The following GALNTL6 variants were observed in gnomAD, a reference collection of about 807,000 sequenced individuals.
GALNTL6 encodes polypeptide N-acetylgalactosaminyltransferase-like 6.
In GALNTL6, 46 loss-of-function variants were observed where a neutral mutation model predicts 73.7. The ratio of observed to expected loss-of-function variants is 0.62; its 90% CI spans 0.49 to 0.80. The LOEUF is 0.80. Among genes scored for constraint, GALNTL6 ranks in the 30% least tolerant of loss-of-function variants. GALNTL6 has a pLI of 0.00. For missense variants in GALNTL6, 604 were observed against 755.0 expected, an observed-to-expected ratio of 0.80 and a Z score of 2.34; for synonymous variants, 259 against 263.7, an observed-to-expected ratio of 0.98 and a Z score of 0.17.
chr4:171,835,180 CTATTTT>C (rs1322103646), intron 2 of GALNTL6, among the ~76,000 whole-genome samples: 5 of 151,926 alleles, frequency 3.3e-5, no homozygotes, highest in Admixed American at 2.6e-4. Flanking sequence ...CTATGGCTTT[CTATTTT>C]TATTTCTGCA....
At chr4:172,756,418 C>T (rs1737753367) in intron 5 of GALNTL6, among the ~76,000 whole-genome samples, 3 of 147,146 alleles carry the variant, frequency 2.0e-5, no homozygotes, top group South Asian at 2.2e-4. Flanking sequence ...CTGAGGCGGG[C>T]AGATCATTTG....
chr4:172,958,539 T>C (rs1285521984), intron 10 of GALNTL6, among the ~76,000 whole-genome samples: 1 of 152,186 alleles, frequency 6.6e-6, no homozygotes, highest in African/African-American at 2.4e-5. Flanking sequence ...ACCAGGTATC[T>C]AAAGTCGAAA....
chr4:171,905,571 T>A (rs1430181434), intron 2 of GALNTL6, among the ~76,000 whole-genome samples: 1 of 150,066 alleles, frequency 6.7e-6, no homozygotes, highest in Non-Finnish European at 1.5e-5. Flanking sequence ...ACTGTCAACG[T>A]TAGACAGATC....
At chr4:173,030,116 C>A (rs1324184235) in intron 12 of GALNTL6, among the ~76,000 whole-genome samples, 5 of 151,396 alleles carry the variant, frequency 3.3e-5, no homozygotes. Flanking sequence ...TGCCCAATGT[C>A]TGCAACATAC....
chr4:172,805,803 T>A (rs1216240235), intron 5 of GALNTL6, among the ~76,000 whole-genome samples: 1 of 152,104 alleles, frequency 6.6e-6, no homozygotes, highest in Non-Finnish European at 1.5e-5. Context: ...TAAAATATGG[T>A]CTTTTGTCTG....
intron 2 of GALNTL6, among the ~76,000 whole-genome samples, chr4:172,013,893 A>G (rs180912259): frequency 7.6e-6 from 1 of 130,972 alleles, no homozygotes; most frequent in East Asian, 2.7e-4. Flanking sequence ...AGACTCTGAT[A>G]CCATCCTTCT....
intron 5 of GALNTL6, among the ~76,000 whole-genome samples, chr4:172,603,067 G>A (rs1738128504): frequency 6.6e-6 from 1 of 152,142 alleles, no homozygotes; most frequent in Non-Finnish European, 1.5e-5. Flanking sequence ...TCAAGTGTCA[G>A]GAATGTTGAA....
chr4:172,482,988 A>G (rs1164702799), intron 5 of GALNTL6, among the ~76,000 whole-genome samples: 1 of 137,674 alleles, frequency 7.3e-6, no homozygotes, highest in Non-Finnish European at 1.6e-5. Flanking sequence ...ACAATTTCGT[A>G]GGATTAAATG....
intron 2 of GALNTL6, among the ~76,000 whole-genome samples, chr4:171,908,792 C>T (rs1171128638): frequency 6.6e-6 from 1 of 151,044 alleles, no homozygotes; most frequent in African/African-American, 2.5e-5. Flanking sequence ...GGCACATATA[C>T]ACCATGGAAT....
intron 2 of GALNTL6, among the ~76,000 whole-genome samples, chr4:171,905,593 A>C (rs1484495144): frequency 3.3e-5 from 5 of 150,210 alleles, no homozygotes; most frequent in Admixed American, 6.6e-5. Flanking sequence ...ACGAGACAGA[A>C]AGTCAACAAG....
chr4:172,899,546 G>A (rs1020268178), intron 8 of GALNTL6, among the ~76,000 whole-genome samples: 7 of 152,106 alleles, frequency 4.6e-5, no homozygotes, highest in Admixed American at 4.6e-4. Context: ...AGTACTGATA[G>A]TACTAATAAC....
intron 5 of GALNTL6, among the ~76,000 whole-genome samples, chr4:172,501,193 G>C (rs765016271): frequency 5.9e-5 from 9 of 152,192 alleles, no homozygotes; most frequent in Non-Finnish European, 1.3e-4. Context: ...ACTTATGCAA[G>C]ATGTTACCAT....
Position 172,009,317 on chromosome 4 carries a change from A to T in GALNTL6, c.138+194599A>T, listed in dbSNP as rs529135844. On this transcript the variant is annotated intron_variant, in intron 2 of 12. Coordinates refer to ENST00000506823, the MANE Select transcript of GALNTL6 (RefSeq NM_001034845.3). Reference sequence around the variant, plus strand: ...TATGCTCCTATGACTACTTTGCCATAGTTTAAACAGCGTGTGGGTTGTTGC... The same window carrying T: ...TATGCTCCTATGACTACTTTGCCATTGTTTAAACAGCGTGTGGGTTGTTGC... Among the ~76,000 whole-genome samples, 3 of 152,126 alleles carry T rather than the reference A, an allele frequency of 2.0e-5. No individual in the cohort carries two copies. The East Asian group carries it at 5.8e-4, about 29-fold the overall frequency.
intron 2 of GALNTL6, among the ~76,000 whole-genome samples, chr4:172,058,370 A>T (rs142102533): frequency 0.011 from 1,684 of 152,286 alleles, 17 homozygotes; most frequent in South Asian, 0.045. Flanking sequence ...AAATTTCGAG[A>T]AAAATAAGAT....
chr4:172,606,424 A>T (rs796820082), intron 5 of GALNTL6, among the ~76,000 whole-genome samples: 5 of 148,768 alleles, frequency 3.4e-5, no homozygotes, highest in African/African-American at 1.2e-4. Context: ...ATTGCATTCC[A>T]GCGTGGGCAA....
At chr4:172,283,722 A>T (rs981962612) in intron 3 of GALNTL6, among the ~76,000 whole-genome samples, 3 of 152,162 alleles carry the variant, frequency 2.0e-5, no homozygotes, top group Non-Finnish European at 4.4e-5. Context: ...CATATTTCTA[A>T]TGGAAATGTA....
intron 5 of GALNTL6, among the ~76,000 whole-genome samples, chr4:172,452,519 T>A (rs1214586967): frequency 1.3e-5 from 2 of 152,186 alleles, no homozygotes; most frequent in African/African-American, 4.8e-5. Flanking sequence ...TCAAAACAGT[T>A]GTTCTGTGTT....
chr4:172,184,813 A>C (rs6553615), intron 2 of GALNTL6, among the ~76,000 whole-genome samples: 1 of 152,212 alleles, frequency 6.6e-6, no homozygotes, highest in Admixed American at 6.5e-5. Flanking sequence ...GGCAAAAGGT[A>C]GAAGGACAAG....
At chr4:172,654,183 G>A (rs891228916) in intron 5 of GALNTL6, among the ~76,000 whole-genome samples, 16 of 152,298 alleles carry the variant, frequency 1.1e-4, no homozygotes, top group African/African-American at 3.6e-4. Context: ...TGGTAAAAGT[G>A]AAAATATGAT....
Sources: gnomAD v4.1 joint callset for allele counts (sites outside exome capture counted in the v4.1 genomes callset) on GRCh38, gnomAD v4.1.1 for gene constraint, MANE v1.5 for transcripts, NCBI Gene and HGNC (gene_info 2026-07-23, HGNC 2026-07-21) for gene names.